The following CDH13 variants were observed in gnomAD, a reference collection of about 807,000 sequenced individuals.
CDH13 encodes the protein cadherin 13.
A neutral mutation model predicts 63.8 loss-of-function variants in CDH13; 24 were observed. The ratio of observed to expected loss-of-function variants is 0.38; its 90% CI spans 0.27 to 0.53. The LOEUF is 0.53. Among genes scored for constraint, CDH13 ranks in the 20% least tolerant of loss-of-function variants. The pLI, the probability that CDH13 is intolerant of heterozygous loss-of-function variation, is 0.85. For missense variants in CDH13, 1,049 were observed against 903.1 expected (o/e 1.16, Z -2.07); for synonymous variants, 503 against 355.3 (o/e 1.42, Z -4.67).
intron 3 of CDH13, among the ~76,000 whole-genome samples, chr16:83,078,081 A>T (rs985073841): frequency 1.3e-5 from 2 of 152,180 alleles, no homozygotes; most frequent in Non-Finnish European, 2.9e-5. Context: ...CTGAGATGAG[A>T]GTCAGCTCAA....
At chr16:82,801,704 A>G (rs1253004775) in intron 1 of CDH13, among the ~76,000 whole-genome samples, 2 of 152,240 alleles carry the variant, frequency 1.3e-5, no homozygotes, top group East Asian at 3.8e-4. Context: ...CTACCCGTAC[A>G]TGACATACAA....
chr16:82,982,976 T>C (rs1910477884), intron 2 of CDH13, among the ~76,000 whole-genome samples: 1 of 152,128 alleles, frequency 6.6e-6, no homozygotes, highest in African/African-American at 2.4e-5. Flanking sequence ...GCCCTGAGAA[T>C]ATGCCTCCCA....
intron 8 of CDH13, among the ~76,000 whole-genome samples, chr16:83,606,370 T>C (rs1220667169): frequency 6.6e-6 from 1 of 152,200 alleles, no homozygotes; most frequent in Non-Finnish European, 1.5e-5. Flanking sequence ...AGAGGAGTTA[T>C]GATTGATCAC....
At chr16:82,749,382 G>C (rs961568762) in intron 1 of CDH13, among the ~76,000 whole-genome samples, 10 of 152,186 alleles carry the variant, frequency 6.6e-5, no homozygotes, top group Non-Finnish European at 1.3e-4. Context: ...GTAATAGTTT[G>C]AAGAGAGAGG....
intron 5 of CDH13, among the ~76,000 whole-genome samples, chr16:83,258,247 T>C (rs1906526535): frequency 6.6e-6 from 1 of 152,152 alleles, no homozygotes; most frequent in South Asian, 2.1e-4. Flanking sequence ...ATAAAAACAT[T>C]TTTACCACCA....
intron 1 of CDH13, among the ~76,000 whole-genome samples, chr16:82,742,767 A>T (rs912818803): frequency 1.3e-5 from 2 of 152,338 alleles, no homozygotes; most frequent in East Asian, 3.9e-4. Context: ...TTTAAATTAT[A>T]TCACAACAAA....
chr16:83,278,924 G>A (rs2089076407), intron 5 of CDH13, among the ~76,000 whole-genome samples: 1 of 152,150 alleles, frequency 6.6e-6, no homozygotes, highest in African/African-American at 2.4e-5. Context: ...AATAACAATA[G>A]CCAGCATGCT....
At chr16:83,705,922 G>A (rs1021531126) in intron 10 of CDH13, among the ~76,000 whole-genome samples, 29 of 152,156 alleles carry the variant, frequency 1.9e-4, no homozygotes, top group African/African-American at 6.5e-4. Flanking sequence ...AGATAAGTCT[G>A]CCCTAGGGCT....
At chr16:83,379,923 A>G (rs112885950) in intron 6 of CDH13, among the ~76,000 whole-genome samples, 2 of 91,448 alleles carry the variant, frequency 2.2e-5, no homozygotes, top group African/African-American at 3.4e-5. Flanking sequence ...GTGTGTGTAT[A>G]TATATATATA....
Position 82,862,272 on chromosome 16 carries a change from G to T in CDH13, c.157+3799G>T, listed in dbSNP as rs530001628. ...GAACAGAAGATCCCCAGTCTTAGAA[G>T]AATAGCTGTCTTGGGCAACTGACCA... On this transcript the variant is annotated intron_variant, in intron 2 of 13. Transcript: ENST00000567109. Among the ~76,000 whole-genome samples the T allele has an allele frequency of 3.9e-5, 6 of 152,328 alleles. No individual in the cohort carries two copies. The South Asian group carries it at 1.0e-3, about 26-fold the overall frequency.
At chr16:83,162,360 T>C (rs2037484745) in intron 4 of CDH13, among the ~76,000 whole-genome samples, 1 of 152,172 alleles carries the variant, frequency 6.6e-6, no homozygotes, top group Admixed American at 6.5e-5. Context: ...CGTGATATCA[T>C]TGAATCCTTC....
intron 1 of CDH13, among the ~76,000 whole-genome samples, chr16:82,854,234 C>G (rs979860765): frequency 2.0e-5 from 3 of 151,814 alleles, no homozygotes; most frequent in Non-Finnish European, 2.9e-5. Flanking sequence ...TCTGTATCTA[C>G]TAAAAAAATA....
chr16:82,988,762 A>C (rs776837173), intron 2 of CDH13, among the ~76,000 whole-genome samples: 196 of 78,056 alleles, frequency 2.5e-3, no homozygotes, highest in Non-Finnish European at 4.1e-3. Flanking sequence ...ACTCCAACTC[A>C]AAAAAAAAAA....
chr16:83,516,583 A>C (rs1430100464), intron 7 of CDH13, among the ~76,000 whole-genome samples: 3 of 152,144 alleles, frequency 2.0e-5, no homozygotes, highest in Non-Finnish European at 2.9e-5. Flanking sequence ...CTGGGATTTT[A>C]ATGTGAGAGC....
chr16:83,398,893 T>C (rs16960354), intron 6 of CDH13, among the ~76,000 whole-genome samples: 12,410 of 152,276 alleles, frequency 0.081, 541 homozygotes, highest in East Asian at 0.18. Flanking sequence ...TTGCTAACCC[T>C]TAATTATTTG....
chr16:83,231,549 A>G (rs1273702672), intron 5 of CDH13, among the ~76,000 whole-genome samples: 1 of 152,058 alleles, frequency 6.6e-6, no homozygotes, highest in East Asian at 1.9e-4. Flanking sequence ...GCACAGAGGG[A>G]TTGTTACTTT....
At chr16:83,368,906 A>T (rs1368275000) in intron 6 of CDH13, among the ~76,000 whole-genome samples, 1 of 66,560 alleles carries the variant, frequency 1.5e-5, no homozygotes, top group Non-Finnish European at 2.7e-5. Flanking sequence ...ATATATATAT[A>T]TATATATATA....
At chr16:83,092,074 T>A (rs1347143796) in intron 3 of CDH13, among the ~76,000 whole-genome samples, 1 of 152,226 alleles carries the variant, frequency 6.6e-6, no homozygotes, top group East Asian at 1.9e-4. Context: ...CCTACCAAGT[T>A]AAAGAACCAT....
intron 6 of CDH13, among the ~76,000 whole-genome samples, chr16:83,398,692 C>G (rs1219043348): frequency 6.6e-6 from 1 of 152,100 alleles, no homozygotes; most frequent in African/African-American, 2.4e-5. Context: ...ACAGTTGATG[C>G]TAAAAGTTGC....
Sources: gnomAD v4.1 joint callset for allele counts (sites outside exome capture counted in the v4.1 genomes callset) on GRCh38, gnomAD v4.1.1 for gene constraint, MANE v1.5 for transcripts, NCBI Gene and HGNC (gene_info 2026-07-23, HGNC 2026-07-21) for gene names.